The following CDH18 variants were observed in gnomAD, a reference collection of about 807,000 sequenced individuals.
CDH18 encodes cadherin-18.
A neutral mutation model predicts 67.9 loss-of-function variants in CDH18; 31 were observed. The observed-to-expected ratio is 0.46, with a 90% CI of 0.34 to 0.62. The LOEUF (loss-of-function observed/expected upper bound fraction) is 0.62, where lower values mean the gene tolerates loss of function less well. Ranked by LOEUF, CDH18 falls within the 20% of genes least tolerant of loss-of-function variation. The pLI is 0.01. For synonymous variants in CDH18, 362 were observed against 347.2 expected (o/e 1.04, Z -0.48); for missense variants, 890 against 975.5 (o/e 0.91, Z 1.17).
chr5:20,407,115 C>A (rs549005627), intron 1 of CDH18, among the ~76,000 whole-genome samples: 1 of 152,230 alleles, frequency 6.6e-6, no homozygotes, highest in Non-Finnish European at 1.5e-5. Context: ...TTTAAAAGAA[C>A]AATATAGTAG....
intron 2 of CDH18, among the ~76,000 whole-genome samples, chr5:19,862,503 G>C (rs1367468819): frequency 1.3e-5 from 2 of 152,020 alleles, no homozygotes; most frequent in Non-Finnish European, 2.9e-5. Flanking sequence ...TCCCACCAGA[G>C]GTAAAATCGT....
chr5:19,962,494 C>T (rs1010283887), intron 2 of CDH18, among the ~76,000 whole-genome samples: 6 of 149,730 alleles, frequency 4.0e-5, no homozygotes, highest in South Asian at 2.1e-4. Flanking sequence ...AATAAGGGGG[C>T]GGGGCGTGGT....
intron 1 of CDH18, among the ~76,000 whole-genome samples, chr5:20,431,424 G>A (rs1284221564): frequency 6.6e-6 from 1 of 150,550 alleles, no homozygotes; most frequent in African/African-American, 2.4e-5. Flanking sequence ...ACCCAGAAAG[G>A]TGGAGGCTGC....
intron 3 of CDH18, among the ~76,000 whole-genome samples, chr5:19,763,161 T>G (rs982315188): frequency 6.6e-6 from 1 of 152,122 alleles, no homozygotes; most frequent in Non-Finnish European, 1.5e-5. Flanking sequence ...GATGAGTTAA[T>G]GGGTGCAGCA....
chr5:20,428,870 A>T (rs2150171836), intron 1 of CDH18, among the ~76,000 whole-genome samples: 1 of 152,260 alleles, frequency 6.6e-6, no homozygotes, highest in South Asian at 2.1e-4. Context: ...AATTAGAAAG[A>T]ATTTTCTTGA....
chr5:20,520,750 T>C (rs1157472381), intron 1 of CDH18, among the ~76,000 whole-genome samples: 1 of 152,208 alleles, frequency 6.6e-6, no homozygotes, highest in East Asian at 1.9e-4. Context: ...AATCTAGTTT[T>C]GAACATGTTA....
chr5:19,874,127 A>T (rs1486993754), intron 2 of CDH18, among the ~76,000 whole-genome samples: 1 of 152,158 alleles, frequency 6.6e-6, no homozygotes, highest in African/African-American at 2.4e-5. Context: ...ATATTAAAGC[A>T]TGTGTAGATT....
chr5:19,934,049 A>G (rs1414067874), intron 2 of CDH18, among the ~76,000 whole-genome samples: 1 of 151,428 alleles, frequency 6.6e-6, no homozygotes, highest in Non-Finnish European at 1.5e-5. Flanking sequence ...TCCAAAAGAT[A>G]TAAATTCCAT....
chr5:19,996,536 T>C (rs1736034827), intron 2 of CDH18, among the ~76,000 whole-genome samples: 1 of 152,054 alleles, frequency 6.6e-6, no homozygotes, highest in South Asian at 2.1e-4. Flanking sequence ...ACTTTACTGG[T>C]TCCCAACACC....
chr5:20,239,607 T>C (rs1742736729), intron 2 of CDH18, among the ~76,000 whole-genome samples: 1 of 152,186 alleles, frequency 6.6e-6, no homozygotes, highest in African/African-American at 2.4e-5. Flanking sequence ...TGAAAATATA[T>C]ACTACTTTGT....
chr5:20,407,334 G>A (rs904737886), intron 1 of CDH18, among the ~76,000 whole-genome samples: 45 of 152,144 alleles, frequency 3.0e-4, no homozygotes, highest in African/African-American at 9.4e-4. Context: ...AGACACCTAG[G>A]GGCCACTAAG....
In CDH18 at chr5:19,859,462, T is replaced by A. The variant is rs569940362; in HGVS notation, c.-256-20220A>T. ...AAAAGCTGTCTCTTGTGGGGAAAATTCACATTCTGTAGAGAATCTCCTTCC... is the reference window on the plus strand; with the variant it reads ...AAAAGCTGTCTCTTGTGGGGAAAATACACATTCTGTAGAGAATCTCCTTCC... On this transcript the variant is annotated intron_variant, in intron 2 of 12. Coordinates refer to ENST00000382275, the MANE Select transcript of CDH18 (RefSeq NM_004934.5). Among the ~76,000 whole-genome samples the A allele has an allele frequency of 4.6e-5, 7 of 152,088 alleles. 1 individual carries two copies. In the South Asian group the frequency reaches 1.5e-3, roughly 32 times the overall value.
At chr5:20,470,233 T>C (rs1293178527) in intron 1 of CDH18, among the ~76,000 whole-genome samples, 2 of 152,136 alleles carry the variant, frequency 1.3e-5, no homozygotes, top group Non-Finnish European at 1.5e-5. Context: ...TAAGGTGTTT[T>C]AATGACTCCC....
chr5:20,289,649 G>C (rs1219711131), intron 1 of CDH18, among the ~76,000 whole-genome samples: 1 of 151,686 alleles, frequency 6.6e-6, no homozygotes, highest in Non-Finnish European at 1.5e-5. Flanking sequence ...GTAAATTATA[G>C]AACTTAGTTT....
At chr5:20,411,599 C>T (rs566319677) in intron 1 of CDH18, among the ~76,000 whole-genome samples, 5 of 151,090 alleles carry the variant, frequency 3.3e-5, no homozygotes, top group East Asian at 1.9e-4. Context: ...GATGGATAAA[C>T]GGGACTACAT....
intron 1 of CDH18, among the ~76,000 whole-genome samples, chr5:20,539,035 C>T (rs1756901954): frequency 1.3e-5 from 2 of 150,922 alleles, no homozygotes; most frequent in Admixed American, 1.3e-4. Context: ...ATTACAGGCA[C>T]CTGCCACCAC....
At chr5:20,237,271 C>T (rs745844754) in intron 2 of CDH18, among the ~76,000 whole-genome samples, 4 of 151,648 alleles carry the variant, frequency 2.6e-5, no homozygotes, top group Non-Finnish European at 4.4e-5. Context: ...GAGGAAAAAG[C>T]GGGGTATATT....
chr5:20,303,742 TA>T (rs1189084205), intron 1 of CDH18, among the ~76,000 whole-genome samples: 1 of 152,124 alleles, frequency 6.6e-6, no homozygotes, highest in African/African-American at 2.4e-5. Flanking sequence ...AGCGAATTGA[TA>T]CCATGATTGC....
chr5:20,230,541 G>C (rs1741983922), intron 2 of CDH18, among the ~76,000 whole-genome samples: 3 of 152,002 alleles, frequency 2.0e-5, no homozygotes, highest in Admixed American at 1.3e-4. Flanking sequence ...GTTAATTGAT[G>C]ACCATCTTGA....
Sources: gnomAD v4.1 joint callset for allele counts (sites outside exome capture counted in the v4.1 genomes callset) on GRCh38, gnomAD v4.1.1 for gene constraint, MANE v1.5 for transcripts, NCBI Gene and HGNC (gene_info 2026-07-23, HGNC 2026-07-21) for gene names.